Variants in STIMATE observed in about 807,000 individuals in gnomAD.
STIMATE encodes the protein store-operated calcium entry regulator STIMATE.
STIMATE carries 15 observed loss-of-function variants against 36.7 expected under a neutral mutation model. The ratio of observed to expected loss-of-function variants is 0.41; its 90% CI spans 0.27 to 0.63. The LOEUF (loss-of-function observed/expected upper bound fraction) is 0.63, where lower values mean the gene tolerates loss of function less well. STIMATE is among the 20% of genes least tolerant of loss of function. The probability of loss-of-function intolerance (pLI) is 0.32; values close to 1 mark genes in which losing one functional copy is unlikely to be tolerated. For missense variants in STIMATE, 305 were observed against 397.3 expected (o/e 0.77, Z 1.98); for synonymous variants, 163 against 162.3 (o/e 1.00, Z -0.03).
intron 1 of STIMATE, among the ~76,000 whole-genome samples, chr3:52,857,638 G>A (rs1265696676): frequency 6.6e-6 from 1 of 152,082 alleles, no homozygotes; most frequent in East Asian, 1.9e-4. Context: ...TTACTTCTGA[G>A]TGGTTTGGGG....
In STIMATE at chr3:52,862,735, T is replaced by C. The variant is rs116846547; in HGVS notation, c.161-7291A>G. 7.1e-3 allele frequency among the ~76,000 whole-genome samples: 1,087 copies of C among 152,364 alleles called. 112 individuals are homozygous for C. The South Asian group carries it at 0.2, about 28-fold the overall frequency. ...CCTACGTGGTATGTCCCACAACCCC[T>C]GATACCTGCAAATGCAGCCTTATTT... On this transcript the variant is annotated intron_variant, in intron 1 of 7. Coordinates refer to ENST00000355083, the MANE Select transcript of STIMATE (RefSeq NM_198563.5).
chr3:52,847,592 T>C (rs1456315654), intron 4 of STIMATE: 2 of 1,269,156 alleles, frequency 1.6e-6, no homozygotes, highest in East Asian at 5.7e-5. Context: ...AAGCCCCTCT[T>C]CTTCATTTAC....
intron 2 of STIMATE, 96 bp downstream of exon 2, chr3:52,855,300 T>G (rs1701073408): frequency 5.6e-6 from 8 of 1,437,644 alleles, no homozygotes; most frequent in Non-Finnish European, 6.7e-6. Context: ...TCACATTCCA[T>G]GCCCTCCCCA....
intron 1 of STIMATE, among the ~76,000 whole-genome samples, chr3:52,879,552 A>G (rs1701567562): frequency 6.6e-6 from 1 of 152,132 alleles, no homozygotes. Context: ...GGGGATATAC[A>G]ATGTAAATAA....
rs1700768018 is a variant in STIMATE, at chr3:52,839,952, C to T, written c.*542G>A. 1 of 152,590 alleles carries T rather than the reference C, an allele frequency of 6.6e-6. No homozygotes were observed. Among genetic ancestry groups the T allele is most frequent in the South Asian group, 2.1e-4 (1 of 4,824 alleles). 9.5% of individuals were successfully genotyped at this position (152,590 alleles called of 1,614,324 possible). On this transcript the variant is annotated 3_prime_UTR_variant, in exon 8 of 8. Transcript: ENST00000355083. ...TACTTTGTAGGAAATAAACACATAC[C>T]CCCAACCTGGTAACACTGTCACAAC...
rs1240294178 is a variant in STIMATE, at chr3:52,874,202, C to T, written c.161-18758G>A. 2.0e-5 allele frequency among the ~76,000 whole-genome samples: 3 copies of T among 152,126 alleles called. No individual in the cohort carries two copies. In the East Asian group the frequency reaches 5.8e-4, roughly 29 times the overall value. On this transcript the variant is annotated intron_variant, in intron 1 of 7. Transcript: ENST00000355083. ...AAGGGGTTGATCATATGTGATTATG[C>T]AATGGATGTCAACTGTGAAGTATAC...
intron 2 of STIMATE, 88 bp downstream of exon 2, chr3:52,855,308 C>A: frequency 6.7e-7 from 1 of 1,500,782 alleles, no homozygotes; most frequent in East Asian, 2.4e-5. Context: ...CATGCCCTCC[C>A]CACTCCAACA....
chr3:52,852,682 T>G lies in STIMATE; in HGVS notation c.226A>C (p.Lys76Gln). ...PWRIWFLDTS[K>Q]QAIGMLFIHF... ...ATGAACAGCATTCCTATGGCTTGTT[T>G]GGAAGTGTCTAAAAACCTGTACAAA... is the stretch of plus-strand genomic sequence containing the variant. Residue 76 changes from lysine (K) to glutamine (Q), a missense_variant, in exon 3 of 8, where the codon AAA becomes CAA. Around this residue, in one of 3 missense-constraint regions of STIMATE, gnomAD observed 164 missense variants for 257.9 expected, o/e 0.64. Coordinates refer to ENST00000355083, the MANE Select transcript of STIMATE (RefSeq NM_198563.5). 3.1e-6 allele frequency: 5 copies of G among 1,614,104 alleles called. No homozygotes were observed. The highest frequency in any genetic ancestry group is 4.2e-6 in the Non-Finnish European group (5 of 1,180,026).
At position 52,838,709 on chromosome 3, in the gene STIMATE, G is replaced by C. The variant is rs573193033; in HGVS notation, c.*1785C>G. 1 of 152,302 alleles carries C rather than the reference G, an allele frequency of 6.6e-6. No individual in the cohort carries two copies. Among genetic ancestry groups the C allele is most frequent in the Non-Finnish European group, 1.5e-5 (1 of 68,074 alleles). 9.4% of individuals were successfully genotyped at this position (152,302 alleles called of 1,614,324 possible). A position where few individuals can be genotyped will look rare whatever the true frequency, so the allele number is the denominator to read the frequency against. The stretch of plus-strand genomic sequence containing the variant: ...CTCCTGGTGGAAGATGGGCTGAGAA[G>C]GCCTGCCTGATGCTCGCCTTCAAGT... On this transcript the variant is annotated 3_prime_UTR_variant, in exon 8 of 8. Coordinates refer to ENST00000355083, the MANE Select transcript of STIMATE (RefSeq NM_198563.5).
At position 52,837,324 on chromosome 3, in the gene STIMATE, T is replaced by G. The variant is rs1055850829; in HGVS notation, c.*3170A>C. 1 of 152,272 alleles carries G rather than the reference T, an allele frequency of 6.6e-6. No homozygotes were observed. The highest frequency in any genetic ancestry group is 2.1e-4 in the South Asian group (1 of 4,832). The allele number at this position is 152,272 out of a possible 1,614,324, so 9.4% of individuals were successfully genotyped here. A position where few individuals can be genotyped will look rare whatever the true frequency, so the allele number is the denominator to read the frequency against. On this transcript the variant is annotated 3_prime_UTR_variant, in exon 8 of 8. Transcript: ENST00000355083. ...ACAGGCTTACACTGTCTAAGGGAAG[T>G]CACAGCTTGGATTTGAGCCTTTTAA... is the stretch of plus-strand genomic sequence containing the variant.
rs1457919512 is a variant in STIMATE, at chr3:52,843,682, A to G, written c.618+39T>C. The stretch of plus-strand genomic sequence containing the variant: ...ACTTTGGACAGGAACCCTGCCAGAC[A>G]GGGAGCAAATCGGGATAAAAATGCA... On this transcript the variant is annotated intron_variant, in intron 6 of 7. Coordinates refer to ENST00000355083, the MANE Select transcript of STIMATE (RefSeq NM_198563.5). The G allele has an allele frequency of 2.5e-6, 4 of 1,613,642 alleles. No homozygotes were observed. In the African/African-American group the frequency reaches 5.4e-5, roughly 22 times the overall value.
At chr3:52,842,220 C>T (rs190822153) in intron 7 of STIMATE, among the ~76,000 whole-genome samples, 154 of 152,342 alleles carry the variant, frequency 1.0e-3, no homozygotes, top group South Asian at 7.7e-3. Flanking sequence ...TGGCCCTGCA[C>T]GCAGATGTGG....
chr3:52,888,947 G>A (rs1346394373), intron 1 of STIMATE, among the ~76,000 whole-genome samples: 1 of 152,026 alleles, frequency 6.6e-6, no homozygotes, highest in Non-Finnish European at 1.5e-5. Flanking sequence ...CTCCTTCCTC[G>A]TGCCACCCCA....
At chr3:52,888,707 C>A (rs1701733936) in intron 1 of STIMATE, among the ~76,000 whole-genome samples, 1 of 152,200 alleles carries the variant, frequency 6.6e-6, no homozygotes, top group Admixed American at 6.5e-5. Context: ...ATGGACTAGA[C>A]AAAAGCTTGG....
At chr3:52,862,733 CCT>C (rs1236348709) in intron 1 of STIMATE, among the ~76,000 whole-genome samples, 1 of 152,064 alleles carries the variant, frequency 6.6e-6, no homozygotes, top group Non-Finnish European at 1.5e-5. Flanking sequence ...TCCCACAACC[CCT>C]GATACCTGCA....
intron 1 of STIMATE, among the ~76,000 whole-genome samples, chr3:52,863,598 A>T (rs917233204): frequency 1.6e-4 from 2 of 12,542 alleles, no homozygotes; most frequent in Non-Finnish European, 0.017. Flanking sequence ...CCATCTTAAC[A>T]GTCCCCCAAA....
At position 52,847,637 on chromosome 3, in the gene STIMATE, G is replaced by T. The variant is rs556434312; in HGVS notation, c.427+2155C>A. ...GAGCTGTGGTACCTCTTCCTCAAAT[G>T]GATGGGCAGGATAACAGGTGTGGGA... On this transcript the variant is annotated intron_variant, in intron 4 of 7. Transcript: ENST00000355083. The T allele has an allele frequency of 1.9e-5, 20 of 1,030,948 alleles. No homozygotes were observed. The Middle Eastern group carries it at 7.1e-4, about 37-fold the overall frequency. The allele number at this position is 1,030,948 out of a possible 1,614,324, so 63.9% of individuals were successfully genotyped here. A position where few individuals can be genotyped will look rare whatever the true frequency, so the allele number is the denominator to read the frequency against.
At chr3:52,845,356 G>A (rs1486870001) in intron 4 of STIMATE, among the ~76,000 whole-genome samples, 4 of 152,194 alleles carry the variant, frequency 2.6e-5, no homozygotes, top group East Asian at 1.9e-4. Context: ...GTCCATGAGT[G>A]GACTGATGTT....
Position 52,840,464 on chromosome 3 carries a change from C to T in STIMATE, c.*30G>A, listed in dbSNP as rs778027623. 1.0e-5 allele frequency: 16 copies of T among 1,607,758 alleles called. No homozygotes were observed. The Middle Eastern group carries it at 5.0e-4, about 51-fold the overall frequency. On this transcript the variant is annotated 3_prime_UTR_variant, in exon 8 of 8. Transcript: ENST00000355083. ...CTCTGCACACCAGCGGCTGGCGGGG[C>T]CCTCCCGTCACCCCCAGCATGGGAA...
Sources: gnomAD v4.1 joint callset for allele counts (sites outside exome capture counted in the v4.1 genomes callset) on GRCh38, gnomAD v4.1.1 for gene constraint, gnomAD v4.1.1 regional missense constraint, MANE v1.5 for transcripts, NCBI Gene and HGNC (gene_info 2026-07-23, HGNC 2026-07-21) for gene names.